The following VSIG1 variants were observed in gnomAD, a reference collection of about 807,000 sequenced individuals.
The protein encoded by VSIG1 is V-set and immunoglobulin domain containing 1, also known as V-set and immunoglobulin domain-containing protein 1.
VSIG1 carries 11 observed loss-of-function variants against 20.1 expected under a neutral mutation model. The observed-to-expected ratio is 0.55, with a 90% confidence interval of 0.34 to 0.91. The LOEUF is 0.91. Among genes scored for constraint, VSIG1 ranks in the 40% least tolerant of loss-of-function variants. VSIG1 has a pLI of 0.02. For synonymous variants in VSIG1, 126 were observed against 116.7 expected (o/e 1.08, Z -0.52); for missense variants, 283 against 298.8 (o/e 0.95, Z 0.39).
intron 1 of VSIG1, among the ~76,000 whole-genome samples, chrX:108,050,264 T>C (rs2030756048): frequency 1.8e-5 from 2 of 112,306 alleles, no homozygotes; most frequent in Non-Finnish European, 3.8e-5. Flanking sequence ...AAATAAGTCT[T>C]TGGGTATGCA....
chrX:108,061,510 G>A (rs776225635), intron 2 of VSIG1: 5 of 1,164,578 alleles, frequency 4.3e-6, no homozygotes, highest in South Asian at 1.9e-5. Context: ...AGAGACGCTC[G>A]GGGAAGATGT....
chrX:108,061,394 G>A (rs1454714653), intron 2 of VSIG1: 5 of 1,083,918 alleles, frequency 4.6e-6, no homozygotes, highest in Non-Finnish European at 6.3e-6. Flanking sequence ...ATAGCATTCA[G>A]CTCTCAGATC....
chrX:108,076,798 C>T (rs1412147021), intron 6 of VSIG1, among the ~76,000 whole-genome samples: 2 of 112,103 alleles, frequency 1.8e-5, no homozygotes, highest in Admixed American at 9.4e-5. Flanking sequence ...TTCTTAGACT[C>T]TTTCATTCTG....
the VSIG1 span, among the ~76,000 whole-genome samples, chrX:108,029,451 T>C: frequency 8.9e-6 from 1 of 112,189 alleles, no homozygotes; most frequent in African/African-American, 3.2e-5. Context: ...TAAAATCTGC[T>C]GAACTCAAAG....
intron 3 of VSIG1, among the ~76,000 whole-genome samples, chrX:108,068,242 T>G (rs1363247197): frequency 9.0e-6 from 1 of 111,136 alleles, no homozygotes; most frequent in Non-Finnish European, 1.9e-5. Flanking sequence ...TTTTTAAGAG[T>G]GGGTTAGCTT....
rs201926898 is a variant in VSIG1 at position 108,067,048 on chromosome X, C to A, written c.326C>A (p.Ala109Glu). 1.6e-4 allele frequency: 192 copies of A among 1,209,545 alleles called. No individual in the cohort carries two copies. The highest frequency in any genetic ancestry group is 2.1e-4 in the Non-Finnish European group (190 of 895,054). Residue 109 changes from alanine (A) to glutamate (E), a missense_variant, in exon 3 of 7, where the codon GCA becomes GAA. Coordinates refer to ENST00000217957, the MANE Select transcript of VSIG1 (RefSeq NM_182607.5). Reference protein sequence around the residue: ...ASITISHMQPADSGIYICDVN... With the variant: ...ASITISHMQPEDSGIYICDVN... ...ATCACTATCTCGCATATGCAGCCAGCAGACAGTGGAATTTACATCTGCGAT... is the reference window on the plus strand; with the variant it reads ...ATCACTATCTCGCATATGCAGCCAGAAGACAGTGGAATTTACATCTGCGAT...
At chrX:108,027,135 T>C in the VSIG1 span, among the ~76,000 whole-genome samples, 1 of 111,414 alleles carries the variant, frequency 9.0e-6, no homozygotes, top group Non-Finnish European at 1.9e-5. Context: ...CAGTTAAACA[T>C]AGAGTTACCA....
the VSIG1 span, among the ~76,000 whole-genome samples, chrX:108,028,932 C>T: frequency 9.0e-6 from 1 of 111,455 alleles, no homozygotes; most frequent in Admixed American, 9.5e-5. Context: ...AAAAAATGAG[C>T]TTGGGTAGCC....
chrX:108,047,877 T>TATATACACAC (rs2030646423), intron 1 of VSIG1, among the ~76,000 whole-genome samples: 2 of 31,605 alleles, frequency 6.3e-5, no homozygotes, highest in African/African-American at 1.5e-4. Flanking sequence ...TATACACATA[T>TATATACACAC]ATATATATAC....
At chrX:108,053,207 A>G (rs1363264518) in intron 1 of VSIG1, among the ~76,000 whole-genome samples, 2 of 112,683 alleles carry the variant, frequency 1.8e-5, no homozygotes, top group Non-Finnish European at 3.8e-5. Flanking sequence ...GGATGAAAGG[A>G]CAACAGAAAG....
intron 6 of VSIG1, 101 bp from the exon 7 acceptor site, chrX:108,076,946 TG>T (rs1210343710): frequency 5.7e-5 from 46 of 811,126 alleles, no homozygotes; most frequent in Non-Finnish European, 6.5e-5. Context: ...TCCTGAAGTC[TG>T]GGACCTATGG....
chrX:108,064,759 C>T, intron 2 of VSIG1: 3 of 753,361 alleles, frequency 4.0e-6, no homozygotes, highest in Non-Finnish European at 4.7e-6. Context: ...GTGAAGGGCA[C>T]TCTTGATGGA....
Position 108,067,100 on chromosome X carries a change from C to A in VSIG1, c.378C>A (p.Gly126=). The stretch of plus-strand genomic sequence containing the variant: ...TTAACAACCCCCCAGACTTTCTCGG[C>A]CAAAACCAAGGCATCCTCAACGTCA... ...CDVNNPPDFL[G]QNQGILNVSV... Residue 126 remains glycine, a synonymous_variant, in exon 3 of 7, where the codon GGC becomes GGA. Coordinates refer to ENST00000217957, the MANE Select transcript of VSIG1 (RefSeq NM_182607.5). 8.3e-7 allele frequency: 1 copy of A among 1,211,448 alleles called. No homozygotes were observed. Among genetic ancestry groups the A allele is most frequent in the Non-Finnish European group, 1.1e-6 (1 of 895,343 alleles).
intron 5 of VSIG1, among the ~76,000 whole-genome samples, 169 bp from the exon 6 acceptor site, chrX:108,075,908 C>T (rs1378957961): frequency 8.9e-6 from 1 of 112,239 alleles, no homozygotes; most frequent in Non-Finnish European, 1.9e-5. Flanking sequence ...CAATAGTCTT[C>T]TCCCACTGTG....
intron 1 of VSIG1, among the ~76,000 whole-genome samples, chrX:108,049,463 T>C (rs807174): frequency 2.7e-5 from 3 of 111,823 alleles, no homozygotes; most frequent in African/African-American, 9.8e-5. Context: ...TTGATATTTG[T>C]TGCTAGGCTC....
intron 1 of VSIG1, among the ~76,000 whole-genome samples, chrX:108,047,827 TATACAC>T (rs2030631123): frequency 1.7e-5 from 1 of 58,830 alleles, no homozygotes; most frequent in African/African-American, 7.8e-5. Flanking sequence ...TATACATATA[TATACAC>T]ATATATATAT....
chrX:108,041,670 T>C (rs1209948858), upstream of VSIG1, among the ~76,000 whole-genome samples: 1 of 107,759 alleles, frequency 9.3e-6, no homozygotes, highest in Non-Finnish European at 1.9e-5. Flanking sequence ...GGATTACATG[T>C]GTGAGTGAAT....
intron 2 of VSIG1, chrX:108,061,395 C>A: frequency 9.1e-7 from 1 of 1,093,348 alleles, no homozygotes; most frequent in Non-Finnish European, 1.2e-6. Flanking sequence ...TAGCATTCAG[C>A]TCTCAGATCC....
intron 4 of VSIG1, 137 bp from the exon 5 acceptor site, chrX:108,073,113 G>A (rs748300724): frequency 1.1e-5 from 8 of 749,794 alleles, no homozygotes; most frequent in South Asian, 2.6e-5. Context: ...CAGTCCTGAG[G>A]GGCCTAGTTG....
Sources: allele counts gnomAD v4.1 joint callset (sites outside exome capture counted in the v4.1 genomes callset), GRCh38; gene constraint gnomAD v4.1.1; transcripts MANE v1.5; gene names NCBI Gene and HGNC (gene_info 2026-07-23, HGNC 2026-07-21).